DYRK2: variants seen among roughly 807,000 people sequenced by gnomAD.
DYRK2 encodes dual specificity tyrosine-phosphorylation-regulated kinase 2.
A neutral mutation model predicts 41.6 loss-of-function variants in DYRK2; 12 were observed. The ratio of observed to expected loss-of-function variants is 0.29; its 90% CI spans 0.18 to 0.47. The LOEUF (loss-of-function observed/expected upper bound fraction) is 0.47. Ranked by LOEUF, DYRK2 falls within the 20% of genes least tolerant of loss-of-function variation. The pLI is 1.00. For missense variants in DYRK2, 678 were observed against 798.4 expected (o/e 0.85, Z 1.82); for synonymous variants, 322 against 315.7 (o/e 1.02, Z -0.21).
At position 67,660,033 on chromosome 12, in the gene DYRK2, G is replaced by T. The variant is rs1045378625; in HGVS notation, c.*1320G>T. ...ATCTGGCAAAGTAACTGAGAGTTTG[G>T]TAAAAGAATATTTTCTTCTCTGAAT... On this transcript the variant is annotated 3_prime_UTR_variant, in exon 3 of 3. Transcript: ENST00000344096. 7 of 166,936 alleles carry T rather than the reference G, an allele frequency of 4.2e-5. No individual in the cohort carries two copies. The highest frequency in any genetic ancestry group is 1.7e-4 in the African/African-American group (7 of 41,400). The allele number at this position is 166,936 out of a possible 1,614,324, so 10.3% of individuals were successfully genotyped here.
rs1402872597 is a variant in DYRK2 at position 67,660,096 on chromosome 12, C to T, written c.*1383C>T. 6.0e-6 allele frequency: 1 copy of T among 166,778 alleles called. No homozygotes were observed. The highest frequency in any genetic ancestry group is 6.6e-5 in the Admixed American group (1 of 15,242). 10.3% of individuals were successfully genotyped at this position (166,778 alleles called of 1,614,324 possible). Reference sequence around the variant, plus strand: ...CACAGTGAAAATTTCAGTATTTTATCACTAATGTATGAGCAATGATCTATA... The same window carrying T: ...CACAGTGAAAATTTCAGTATTTTATTACTAATGTATGAGCAATGATCTATA... On this transcript the variant is annotated 3_prime_UTR_variant, in exon 3 of 3. Transcript: ENST00000344096.
rs1490359176 is a variant in DYRK2, at chr12:67,661,232, C to T, written c.*2519C>T. The stretch of plus-strand genomic sequence containing the variant: ...TGTCAAAAAAAGAAAAATGTTGCAT[C>T]TTTGTGATTTTAAAACATAAATTAA... On this transcript the variant is annotated 3_prime_UTR_variant, in exon 3 of 3. Transcript: ENST00000344096. The T allele has an allele frequency of 2.4e-5, 4 of 166,794 alleles. No homozygotes were observed. The highest frequency in any genetic ancestry group is 4.4e-5 in the Non-Finnish European group (3 of 68,082). The allele number at this position is 166,794 out of a possible 1,614,324, so 10.3% of individuals were successfully genotyped here. A position where few individuals can be genotyped will look rare whatever the true frequency, so the allele number is the denominator to read the frequency against.
chr12:67,649,682 TTCC>T, intron 1 of DYRK2, 112 bp from the exon 2 acceptor site: 1 of 1,166,890 alleles, frequency 8.6e-7, no homozygotes, highest in Non-Finnish European at 1.1e-6. Flanking sequence ...CCCCGGTCTC[TTCC>T]TCCGTCTTTC....
At position 67,659,002 on chromosome 12, in the gene DYRK2, T is replaced by TA; in HGVS notation, c.*289_*290insA. 1 of 282,440 alleles carries TA rather than the reference T, an allele frequency of 3.5e-6. No homozygotes were observed. The highest frequency in any genetic ancestry group is 2.2e-5 in the African/African-American group (1 of 44,772). The allele number at this position is 282,440 out of a possible 1,614,324, so 17.5% of individuals were successfully genotyped here. ...AATAACATCAGTGGCAGGCCACTGA[T>TA]TACTTCATGACTGCCACGCATTTAC... On this transcript the variant is annotated 3_prime_UTR_variant, in exon 3 of 3. Coordinates refer to ENST00000344096, the MANE Select transcript of DYRK2 (RefSeq NM_006482.3).
In DYRK2 at chr12:67,657,766, A is replaced by G. The variant is rs759295442; in HGVS notation, c.859A>G (p.Met287Val). 2.5e-6 allele frequency: 4 copies of G among 1,614,110 alleles called. No individual in the cohort carries two copies. The East Asian group carries it at 6.7e-5, about 27-fold the overall frequency. ...DKDNTMNVIH[M>V]LENFTFRNHI... Reference sequence around the variant, plus strand: ...GGATAACACAATGAATGTCATCCATATGCTGGAGAATTTCACCTTCCGCAA... The same window carrying G: ...GGATAACACAATGAATGTCATCCATGTGCTGGAGAATTTCACCTTCCGCAA... The change falls in exon 3 of 3, where the codon ATG becomes GTG. Residue 287 changes from methionine (M) to valine (V), a missense_variant. Met to Val is a conservative substitution (Grantham distance 21). Coordinates refer to ENST00000344096, the MANE Select transcript of DYRK2 (RefSeq NM_006482.3). This position sits in a 1 kb window ranked among gnomAD's most constrained non-coding sequence, Gnocchi z 4.8.
intron 2 of DYRK2, 108 bp downstream of exon 2, chr12:67,650,053 C>A: frequency 8.8e-7 from 1 of 1,142,850 alleles, no homozygotes; most frequent in Non-Finnish European, 1.1e-6. Context: ...GGTCGAGATA[C>A]AAGCAGCCCC....
chr12:67,650,483 AC>A (rs1458351555), intron 2 of DYRK2, among the ~76,000 whole-genome samples: 1 of 152,198 alleles, frequency 6.6e-6, no homozygotes, highest in African/African-American at 2.4e-5. Context: ...AGGTTTGAGC[AC>A]AGCAGAAATT....
Position 67,659,071 on chromosome 12 carries a change from T to G in DYRK2, c.*358T>G, listed in dbSNP as rs1872560870. 2 of 189,942 alleles carry G rather than the reference T, an allele frequency of 1.1e-5. No homozygotes were observed. Among genetic ancestry groups the G allele is most frequent in the Admixed American group, 1.2e-4 (2 of 16,152 alleles). 11.8% of individuals were successfully genotyped at this position (189,942 alleles called of 1,614,324 possible). A position where few individuals can be genotyped will look rare whatever the true frequency, so the allele number is the denominator to read the frequency against. On this transcript the variant is annotated 3_prime_UTR_variant, in exon 3 of 3. Transcript: ENST00000344096. ...TTCACTATGTTTTTATGGTTCATGTTATATCCTCCCCAGGGTGACAGCCCC... is the reference window on the plus strand; with the variant it reads ...TTCACTATGTTTTTATGGTTCATGTGATATCCTCCCCAGGGTGACAGCCCC...
At chr12:67,652,144 T>C (rs1177647585) in intron 2 of DYRK2, among the ~76,000 whole-genome samples, 1 of 152,166 alleles carries the variant, frequency 6.6e-6, no homozygotes, top group Non-Finnish European at 1.5e-5. Flanking sequence ...AGGTTAAATA[T>C]ATGATTATAA....
intron 2 of DYRK2, among the ~76,000 whole-genome samples, chr12:67,655,729 A>G (rs927701453): frequency 1.1e-4 from 16 of 152,238 alleles, no homozygotes; most frequent in African/African-American, 2.7e-4. Context: ...TATGTATCCA[A>G]TAAAGAAAAT....
At chr12:67,653,159 C>G (rs1000252230) in intron 2 of DYRK2, among the ~76,000 whole-genome samples, 1 of 152,138 alleles carries the variant, frequency 6.6e-6, no homozygotes, top group Admixed American at 6.5e-5. Context: ...GTGACACACA[C>G]TGTGCTATAC....
Position 67,658,100 on chromosome 12 carries a change from G to C in DYRK2, c.1193G>C (p.Arg398Thr), listed in dbSNP as rs769792355. 2.4e-5 allele frequency: 39 copies of C among 1,614,122 alleles called. No individual in the cohort carries two copies. Among genetic ancestry groups the C allele is most frequent in the Non-Finnish European group, 3.1e-5 (37 of 1,180,058 alleles). The change falls in exon 3 of 3, where the codon AGG becomes ACG. Residue 398 changes from arginine (R) to threonine (T), a missense_variant. Coordinates refer to ENST00000344096, the MANE Select transcript of DYRK2 (RefSeq NM_006482.3). The surrounding 1 kb of genome is among the most constrained non-coding windows in gnomAD (Gnocchi z 4.3). ...YRAPEVILGA[R>T]YGMPIDMWSL... ...GCTCCAGAAGTGATCCTTGGGGCCA[G>C]GTATGGCATGCCCATTGATATGTGG...
intron 2 of DYRK2, among the ~76,000 whole-genome samples, chr12:67,653,157 C>T (rs1872371705): frequency 6.6e-6 from 1 of 152,144 alleles, no homozygotes; most frequent in Non-Finnish European, 1.5e-5. Flanking sequence ...ATGTGACACA[C>T]ACTGTGCTAT....
intron 2 of DYRK2, among the ~76,000 whole-genome samples, chr12:67,654,694 CCTT>C (rs1309772880): frequency 1.3e-5 from 2 of 152,036 alleles, no homozygotes; most frequent in African/African-American, 4.8e-5. Context: ...GGAGGGGAAG[CCTT>C]CTTTTTATCA....
intron 2 of DYRK2, among the ~76,000 whole-genome samples, chr12:67,656,822 C>A (rs374889931): frequency 6.6e-5 from 10 of 152,018 alleles, no homozygotes; most frequent in African/African-American, 2.4e-4. Flanking sequence ...AGTGGAACAC[C>A]TATGATGTGC....
chr12:67,651,445 A>C (rs1168827675), intron 2 of DYRK2: 8 of 365,376 alleles, frequency 2.2e-5, no homozygotes, highest in African/African-American at 1.5e-4. Flanking sequence ...GCCTCTTTGC[A>C]ATTGAAATAC....
At chr12:67,654,046 TTTG>T (rs1296774410) in intron 2 of DYRK2, among the ~76,000 whole-genome samples, 7 of 152,206 alleles carry the variant, frequency 4.6e-5, no homozygotes, top group African/African-American at 1.7e-4. Context: ...ATGAGGTAAC[TTTG>T]TTACCTTCTT....
At chr12:67,653,161 G>C (rs1397281441) in intron 2 of DYRK2, among the ~76,000 whole-genome samples, 1 of 152,156 alleles carries the variant, frequency 6.6e-6, no homozygotes, top group Non-Finnish European at 1.5e-5. Context: ...GACACACACT[G>C]TGCTATACAT....
Position 67,658,053 on chromosome 12 carries a change from C to T in DYRK2, c.1146C>T (p.Tyr382=), listed in dbSNP as rs1872531287. The change falls in exon 3 of 3, where the codon TAC becomes TAT. Residue 382 remains tyrosine, a synonymous_variant. Coordinates refer to ENST00000344096, the MANE Select transcript of DYRK2 (RefSeq NM_006482.3). The surrounding 1 kb of genome is among the most constrained non-coding windows in gnomAD (Gnocchi z 4.3). ...ACGAGCATCAGCGTGTCTACACGTA[C>T]ATCCAGTCGCGTTTTTACCGGGCTC... is the stretch of plus-strand genomic sequence containing the variant. ...SCYEHQRVYT[Y]IQSRFYRAPE... 6.2e-7 allele frequency: 1 copy of T among 1,614,254 alleles called. No individual in the cohort carries two copies.
Sources: allele counts gnomAD v4.1 joint callset (sites outside exome capture counted in the v4.1 genomes callset), GRCh38; gene constraint gnomAD v4.1.1; non-coding constraint Gnocchi (gnomAD v3.1); transcripts MANE v1.5; gene names NCBI Gene and HGNC (gene_info 2026-07-23, HGNC 2026-07-21).